OGDH: variants seen among roughly 807,000 people sequenced by gnomAD.
OGDH encodes the protein 2-oxoglutarate dehydrogenase complex component E1.
Under a neutral mutation model 116.6 loss-of-function variants are expected in OGDH, and 38 were observed. That is an observed-to-expected ratio of 0.33 (90% confidence interval 0.25 to 0.43). The LOEUF (loss-of-function observed/expected upper bound fraction) is 0.43, where lower values mean the gene tolerates loss of function less well. Ranked by LOEUF, OGDH falls within the 20% of genes least tolerant of loss-of-function variation. The pLI is 1.00. For synonymous variants in OGDH, 488 were observed against 533.3 expected (o/e 0.92, Z 1.17); for missense variants, 825 against 1,357.2 (o/e 0.61, Z 6.16).
intron 5 of OGDH, among the ~76,000 whole-genome samples, 177 bp downstream of exon 5, chr7:44,667,028 C>T (rs138280512): frequency 6.6e-6 from 1 of 152,076 alleles, no homozygotes; most frequent in African/African-American, 2.4e-5. Context: ...CTCACTGCAG[C>T]CTTGACCTCC....
At chr7:44,639,104 G>A (rs1390735703) in intron 2 of OGDH, among the ~76,000 whole-genome samples, 2 of 152,356 alleles carry the variant, frequency 1.3e-5, no homozygotes, top group Middle Eastern at 6.8e-3. Context: ...GGAGCATGAT[G>A]CTGGGGCATG....
At chr7:44,614,834 C>CTTT (rs201747358) in intron 1 of OGDH, among the ~76,000 whole-genome samples, 48 of 111,148 alleles carry the variant, frequency 4.3e-4, no homozygotes, top group Admixed American at 5.7e-4. Context: ...TCTTTTGGTT[C>CTTT]TTTTTTTTTT....
chr7:44,616,415 T>G (rs1052225655), intron 1 of OGDH, among the ~76,000 whole-genome samples: 1 of 152,006 alleles, frequency 6.6e-6, no homozygotes, highest in Non-Finnish European at 1.5e-5. Context: ...CAGGGAGGTG[T>G]CAGTCCCTAC....
chr7:44,644,034 C>G (rs765214502), intron 2 of OGDH, among the ~76,000 whole-genome samples: 9 of 152,118 alleles, frequency 5.9e-5, no homozygotes, highest in African/African-American at 1.2e-4. Flanking sequence ...TGATAAAACC[C>G]CATCTCTACT....
intron 4 of OGDH, among the ~76,000 whole-genome samples, chr7:44,661,333 A>G (rs564817219): frequency 2.2e-4 from 34 of 152,218 alleles, no homozygotes; most frequent in Non-Finnish European, 3.4e-4. Flanking sequence ...CAACTTGTCT[A>G]TATCACATTT....
intron 1 of OGDH, among the ~76,000 whole-genome samples, chr7:44,611,007 G>A (rs1562605129): frequency 6.6e-6 from 1 of 151,338 alleles, no homozygotes; most frequent in Non-Finnish European, 1.5e-5. Context: ...TGCTTTTGGT[G>A]TTGAGTTGAA....
intron 20 of OGDH, among the ~76,000 whole-genome samples, chr7:44,703,856 G>A (rs1281920951): frequency 2.6e-5 from 4 of 151,808 alleles, no homozygotes; most frequent in Non-Finnish European, 5.9e-5. Context: ...TTGCACTCCA[G>A]CCTGGACAAC....
At chr7:44,625,995 G>A (rs148788325) in intron 2 of OGDH, among the ~76,000 whole-genome samples, 175 of 151,992 alleles carry the variant, frequency 1.2e-3, no homozygotes, top group African/African-American at 4.1e-3. Context: ...GAAGGTGGGG[G>A]GCGGGTATAT....
In OGDH at chr7:44,624,502, T is replaced by A. The variant is rs536220108; in HGVS notation, c.159T>A (p.Thr53=). The stretch of plus-strand genomic sequence containing the variant: ...CTGCTGAGCCCTTTCTCAGTGGGAC[T>A]AGTTCGAACTATGTGGAGGAGATGT... ...PVAAEPFLSG[T]SSNYVEEMYC... is the part of the protein sequence containing the mutation. Residue 53 remains threonine, a synonymous_variant, in exon 2 of 23, where the codon ACT becomes ACA. Transcript: ENST00000222673. The A allele has an allele frequency of 6.2e-7, 1 of 1,614,022 alleles. No homozygotes were observed. The highest frequency in any genetic ancestry group is 1.1e-5 in the South Asian group (1 of 91,070).
chr7:44,689,018 C>T (rs554105554), intron 10 of OGDH, among the ~76,000 whole-genome samples: 1 of 151,906 alleles, frequency 6.6e-6, no homozygotes, highest in South Asian at 2.1e-4. Flanking sequence ...CCAAGGTGCT[C>T]TTATTACAGG....
Position 44,664,396 on chromosome 7 carries a change from G to A in OGDH, c.518-2340G>A, listed in dbSNP as rs111528805. ...GCCCATTACAGCCTGGTGAGGGTGG[G>A]GTCACAGTGTTTTCTCTGGTATTTG... On this transcript the variant is annotated intron_variant, in intron 4 of 22. Transcript: ENST00000222673. 8.1e-4 allele frequency among the ~76,000 whole-genome samples: 123 copies of A among 152,266 alleles called. 2 individuals carry two copies. The highest frequency in any genetic ancestry group is 2.8e-3 in the African/African-American group (115 of 41,560).
At position 44,702,279 on chromosome 7, in the gene OGDH, C is replaced by T. The variant is rs532876705; in HGVS notation, c.2632+664C>T. 4.6e-5 allele frequency among the ~76,000 whole-genome samples: 7 copies of T among 152,350 alleles called. No homozygotes were observed. The South Asian group carries it at 1.2e-3, about 27-fold the overall frequency. ...GCGGCCTCCTTCAGCAGGTGAGTGG[C>T]AGCTCACCACTGGCTCAGAGGCCCA... On this transcript the variant is annotated intron_variant, in intron 20 of 22. Transcript: ENST00000222673.
At chr7:44,626,950 T>C (rs1325551627) in intron 2 of OGDH, among the ~76,000 whole-genome samples, 1 of 152,162 alleles carries the variant, frequency 6.6e-6, no homozygotes, top group Non-Finnish European at 1.5e-5. Context: ...TTAAGTTGAA[T>C]TGGGCCCAGT....
chr7:44,629,266 T>A (rs1437979220), intron 2 of OGDH, among the ~76,000 whole-genome samples: 4 of 152,204 alleles, frequency 2.6e-5, no homozygotes, highest in Admixed American at 2.6e-4. Flanking sequence ...GGTGTTGAGT[T>A]CCTTGTGATG....
intron 3 of OGDH, chr7:44,647,368 A>C: frequency 6.1e-6 from 6 of 978,714 alleles, no homozygotes. Flanking sequence ...AAAGGTTTGC[A>C]TAACCTGTGA....
chr7:44,656,146 T>C (rs1211001104), intron 4 of OGDH, among the ~76,000 whole-genome samples: 1 of 152,160 alleles, frequency 6.6e-6, no homozygotes, highest in Non-Finnish European at 1.5e-5. Context: ...CCCCTGACCA[T>C]GTAACCCACC....
At chr7:44,646,326 G>A (rs1472508160) in intron 3 of OGDH, among the ~76,000 whole-genome samples, 1 of 152,218 alleles carries the variant, frequency 6.6e-6, no homozygotes, top group East Asian at 1.9e-4. Context: ...CATGTCCCTG[G>A]GCTGTCTTTT....
At position 44,666,459 on chromosome 7, in the gene OGDH, A is replaced by C. The variant is rs1440916875; in HGVS notation, c.518-277A>C. On this transcript the variant is annotated intron_variant, in intron 4 of 22. Coordinates refer to ENST00000222673, the MANE Select transcript of OGDH (RefSeq NM_002541.4). ...GAAATAAATTTGTCTCTAAATTATG[A>C]ATAATTGGTGTACTTAACTAACTTA... is the stretch of plus-strand genomic sequence containing the variant. 3.3e-5 allele frequency among the ~76,000 whole-genome samples: 5 copies of C among 152,148 alleles called. No homozygotes were observed. In the South Asian group the frequency reaches 8.3e-4, roughly 25 times the overall value.
chr7:44,684,167 G>T (rs777360595), intron 10 of OGDH, among the ~76,000 whole-genome samples: 2 of 152,154 alleles, frequency 1.3e-5, no homozygotes, highest in Non-Finnish European at 2.9e-5. Context: ...CAAGGCCATC[G>T]CAGCTCATCG....
Sources: allele counts gnomAD v4.1 joint callset (sites outside exome capture counted in the v4.1 genomes callset), GRCh38; gene constraint gnomAD v4.1.1; transcripts MANE v1.5; gene names NCBI Gene and HGNC (gene_info 2026-07-23, HGNC 2026-07-21).